RUFY3: variants seen among roughly 807,000 people sequenced by gnomAD.
RUFY3 encodes protein RUFY3.
Under a neutral mutation model 84.0 loss-of-function variants are expected in RUFY3, and 34 were observed. That is an observed-to-expected ratio of 0.40 (90% CI 0.31 to 0.54). RUFY3 has a LOEUF of 0.54. Among genes scored for constraint, RUFY3 ranks in the 20% least tolerant of loss-of-function variants. The pLI is 0.39. For synonymous variants in RUFY3, 242 were observed against 252.9 expected (o/e 0.96, Z 0.41); for missense variants, 507 against 736.8 (o/e 0.69, Z 3.61).
intron 4 of RUFY3, among the ~76,000 whole-genome samples, chr4:70,765,121 G>A (rs1725635875): frequency 6.7e-6 from 1 of 149,502 alleles, no homozygotes; most frequent in South Asian, 2.1e-4. Flanking sequence ...CTGGGAAGTA[G>A]AAGCTGCAGT....
intron 1 of RUFY3, among the ~76,000 whole-genome samples, chr4:70,723,116 CTAAGT>C (rs1292117895): frequency 1.3e-5 from 2 of 152,072 alleles, no homozygotes; most frequent in African/African-American, 4.8e-5. Flanking sequence ...ATTTATAACA[CTAAGT>C]TAAGACAACA....
chr4:70,728,049 A>C (rs552469017), intron 1 of RUFY3, among the ~76,000 whole-genome samples: 2 of 152,320 alleles, frequency 1.3e-5, no homozygotes, highest in East Asian at 3.9e-4. Context: ...TTGTTGTCTC[A>C]AGTGACTACA....
intron 1 of RUFY3, among the ~76,000 whole-genome samples, chr4:70,728,630 T>C (rs1718702438): frequency 6.6e-6 from 1 of 152,220 alleles, no homozygotes; most frequent in Non-Finnish European, 1.5e-5. Flanking sequence ...AAAATATAAT[T>C]TGTGATCTAA....
At chr4:70,717,580 C>T (rs571584919), upstream of RUFY3, among the ~76,000 whole-genome samples, 11 of 150,928 alleles carry the variant, frequency 7.3e-5, no homozygotes, top group Non-Finnish European at 1.5e-4. Context: ...AGAGACTTTG[C>T]GTGTGTGTGT....
intron 1 of RUFY3, among the ~76,000 whole-genome samples, chr4:70,736,976 C>G (rs2148632269): frequency 6.6e-6 from 1 of 152,318 alleles, no homozygotes; most frequent in Non-Finnish European, 1.5e-5. Context: ...ATGTGTATAA[C>G]TTGAATATTT....
In RUFY3 at chr4:70,748,991, GA is replaced by G. The variant is rs562901749; in HGVS notation, c.179-13527del. Among the ~76,000 whole-genome samples, 9 of 152,266 alleles carry G rather than the reference GA, an allele frequency of 5.9e-5. No homozygotes were observed. The South Asian group carries it at 1.9e-3, about 32-fold the overall frequency. On this transcript the variant is annotated intron_variant, in intron 1 of 17. Coordinates refer to ENST00000381006, the MANE Select transcript of RUFY3 (RefSeq NM_001037442.4). The stretch of plus-strand genomic sequence containing the variant: ...TCCCCCAACATCACTCAGGGAATAT[GA>G]GAGAGACAGATCTAACCCTTCTAGA...
chr4:70,749,273 CA>C (rs1439618993), intron 1 of RUFY3, among the ~76,000 whole-genome samples: 1 of 152,082 alleles, frequency 6.6e-6, no homozygotes, highest in African/African-American at 2.4e-5. Flanking sequence ...ATGGAATTCT[CA>C]GGTAAAGGTA....
chr4:70,763,628 C>A lies in RUFY3; in HGVS notation c.429C>A (p.Ala143=). The A allele has an allele frequency of 1.2e-6, 2 of 1,611,878 alleles. No individual in the cohort carries two copies. Among genetic ancestry groups the A allele is most frequent in the Admixed American group, 3.3e-5 (2 of 59,914 alleles). ...TGGTAGAAAAGCTTGTTCCAGAAGC[C>A]GCAGAGATAACAGCAAGTGTTAAAG... ...LELVEKLVPE[A]AEITASVKDL... The change falls in exon 3 of 18, where the codon GCC becomes GCA. Residue 143 remains alanine (A), a synonymous_variant. Transcript: ENST00000381006.
chr4:70,791,853 C>T (rs753988296), intron 12 of RUFY3: 7 of 985,526 alleles, frequency 7.1e-6, no homozygotes, highest in Non-Finnish European at 8.4e-6. Context: ...TATTTCACTA[C>T]ACTTCTATTC....
chr4:70,746,173 GTC>G (rs1001551578), intron 1 of RUFY3, among the ~76,000 whole-genome samples: 3 of 152,128 alleles, frequency 2.0e-5, no homozygotes, highest in African/African-American at 7.2e-5. Context: ...GTGAAACCCT[GTC>G]TCTACTAAAA....
At chr4:70,717,854 T>C (rs957179232), upstream of RUFY3, among the ~76,000 whole-genome samples, 3 of 151,614 alleles carry the variant, frequency 2.0e-5, no homozygotes, top group Non-Finnish European at 4.4e-5. Context: ...GCAGTGCTTT[T>C]GTGAAGACTT....
At chr4:70,790,056 CT>C in intron 12 of RUFY3, 1 of 226,584 alleles carries the variant, frequency 4.4e-6, no homozygotes, top group Non-Finnish European at 7.3e-6. Flanking sequence ...TTCTTTAACC[CT>C]TTTCTCTTAT....
At chr4:70,708,131 T>C (rs1246828779) in intron 1 of RUFY3, among the ~76,000 whole-genome samples, 4 of 152,156 alleles carry the variant, frequency 2.6e-5, no homozygotes, top group Admixed American at 2.0e-4. Context: ...TTTAAAAAAA[T>C]AAAAATAAAA....
intron 1 of RUFY3, among the ~76,000 whole-genome samples, chr4:70,751,333 T>C (rs1723101574): frequency 6.6e-6 from 1 of 152,216 alleles, no homozygotes; most frequent in African/African-American, 2.4e-5. Flanking sequence ...GTTTAATTTT[T>C]TGGAGAATTG....
chr4:70,725,201 G>A lies in RUFY3; in HGVS notation c.178+2450G>A, dbSNP rs769652389. Among the ~76,000 whole-genome samples, 4 of 152,244 alleles carry A rather than the reference G, an allele frequency of 2.6e-5. No individual in the cohort carries two copies. In the South Asian group the frequency reaches 6.2e-4, roughly 24 times the overall value. ...TTCCTGGCCCTTCACTGAGCAGTCC[G>A]CAGTATAGGCCTGGACCTAGAGTTT... On this transcript the variant is annotated intron_variant, in intron 1 of 17. Transcript: ENST00000381006.
At position 70,804,389 on chromosome 4, in the gene RUFY3, A is replaced by G. The variant is rs975139213; in HGVS notation, c.1692A>G (p.Leu564=). The part of the protein sequence containing the change: ...LLSEKPQLCQ[L]CQEDGSLTKN... ...CTGAAAAGCCACAGTTGTGTCAGCT[A>G]TGCCAGGAAGACGGCAGCCTAACAA... The change falls in exon 17 of 18, where the codon CTA becomes CTG. Residue 564 remains leucine, a synonymous_variant. Coordinates refer to ENST00000381006, the MANE Select transcript of RUFY3 (RefSeq NM_001037442.4). 2.9e-5 allele frequency: 47 copies of G among 1,613,964 alleles called. No individual in the cohort carries two copies. Among genetic ancestry groups the G allele is most frequent in the Non-Finnish European group, 3.9e-5 (46 of 1,179,982 alleles).
chr4:70,791,770 GT>G (rs1165746540), intron 12 of RUFY3: 2 of 988,054 alleles, frequency 2.0e-6, no homozygotes, highest in East Asian at 2.2e-4. Context: ...AAATAGTTCT[GT>G]GTCTCTTAGA....
At chr4:70,785,705 C>T (rs1246493244) in intron 10 of RUFY3, among the ~76,000 whole-genome samples, 1 of 151,684 alleles carries the variant, frequency 6.6e-6, no homozygotes, top group African/African-American at 2.4e-5. Flanking sequence ...GGCATGGTGG[C>T]ATGCACCTGT....
rs527384300 is a variant in RUFY3, at chr4:70,759,429, G to A, written c.179-3090G>A. On this transcript the variant is annotated intron_variant, in intron 1 of 17. Coordinates refer to ENST00000381006, the MANE Select transcript of RUFY3 (RefSeq NM_001037442.4). ...ACCACATTTCTTTATTCATGTTGAT[G>A]ACACTTAGGTTGATTTCATATCTTG... is the stretch of plus-strand genomic sequence containing the variant. Among the ~76,000 whole-genome samples the A allele has an allele frequency of 4.0e-5, 6 of 151,838 alleles. No homozygotes were observed. In the East Asian group the frequency reaches 1.2e-3, roughly 30 times the overall value.
Sources: gnomAD v4.1 joint callset for allele counts (sites outside exome capture counted in the v4.1 genomes callset) on GRCh38, gnomAD v4.1.1 for gene constraint, MANE v1.5 for transcripts, NCBI Gene and HGNC (gene_info 2026-07-23, HGNC 2026-07-21) for gene names.